SORCS2: variants seen among roughly 807,000 people sequenced by gnomAD.
SORCS2 encodes VPS10 domain-containing receptor SorCS2.
SORCS2 carries 100 observed loss-of-function variants against 141.6 expected under a neutral mutation model. That is an observed-to-expected ratio of 0.71 (90% CI 0.60 to 0.83). The LOEUF is 0.83. Among genes scored for constraint, SORCS2 ranks in the 40% least tolerant of loss-of-function variants. The pLI, the probability that SORCS2 is intolerant of heterozygous loss-of-function variation, is 0.00. For missense variants in SORCS2, 1,646 were observed against 1,560.2 expected, an observed-to-expected ratio of 1.05 and a Z score of -0.93; for synonymous variants, 789 against 676.9, an observed-to-expected ratio of 1.17 and a Z score of -2.57.
intron 8 of SORCS2, among the ~76,000 whole-genome samples, chr4:7,674,930 C>A (rs868408221): frequency 1.3e-5 from 2 of 152,192 alleles, no homozygotes; most frequent in South Asian, 4.1e-4. Context: ...CAGGTGGGGC[C>A]AGCCGGACCC....
rs141275390 is a variant in SORCS2 at position 7,296,835 on chromosome 4, T to A, written c.481-99453T>A. 5.8e-3 allele frequency among the ~76,000 whole-genome samples: 889 copies of A among 152,196 alleles called. 7 individuals carry two copies. Among genetic ancestry groups the A allele is most frequent in the African/African-American group, 0.02 (848 of 41,530 alleles). ...ACACACACTGCGTGGCTTCCCTCTA[T>A]CGCTCGGTAGTCCTTGGCTCTCGGG... is the stretch of plus-strand genomic sequence containing the variant. On this transcript the variant is annotated intron_variant, in intron 1 of 26. Transcript: ENST00000507866.
chr4:7,202,255 T>G (rs1727522938), intron 1 of SORCS2, among the ~76,000 whole-genome samples: 1 of 152,106 alleles, frequency 6.6e-6, no homozygotes, highest in African/African-American at 2.4e-5. Flanking sequence ...TCGGGACCGC[T>G]TCCCAGAAGG....
chr4:7,524,329 C>T (rs965784193), intron 2 of SORCS2, among the ~76,000 whole-genome samples: 10 of 152,172 alleles, frequency 6.6e-5, no homozygotes, highest in African/African-American at 2.4e-4. Context: ...GGATCCTCCC[C>T]TGGAGCCTCC....
intron 5 of SORCS2, among the ~76,000 whole-genome samples, chr4:7,658,075 CTGAG>C (rs55731239): frequency 0.015 from 2,178 of 149,014 alleles, 28 homozygotes; most frequent in Middle Eastern, 0.034. Flanking sequence ...AAATGAGTGA[CTGAG>C]TGAGTGAATG....
intron 1 of SORCS2, among the ~76,000 whole-genome samples, chr4:7,380,183 G>A (rs1481097795): frequency 2.0e-5 from 3 of 152,214 alleles, no homozygotes; most frequent in Non-Finnish European, 4.4e-5. Flanking sequence ...CCTGGGGTTT[G>A]GGGGCTTACC....
At chr4:7,226,039 C>T (rs1304092457) in intron 1 of SORCS2, among the ~76,000 whole-genome samples, 2 of 152,160 alleles carry the variant, frequency 1.3e-5, no homozygotes, top group African/African-American at 4.8e-5. Flanking sequence ...TGTTTGAACT[C>T]CGCCACCGTG....
chr4:7,502,051 G>A lies in SORCS2; in HGVS notation c.549-29479G>A, dbSNP rs191846426. ...CTTCTCTGTTCAACCAAGGCTTCCT[G>A]AGCGCCAGTCACATGTGCCCAGGCA... On this transcript the variant is annotated intron_variant, in intron 2 of 26. Coordinates refer to ENST00000507866, the MANE Select transcript of SORCS2 (RefSeq NM_020777.3). 8.5e-4 allele frequency among the ~76,000 whole-genome samples: 129 copies of A among 152,312 alleles called. 1 individual carries two copies. Among genetic ancestry groups the A allele is most frequent in the Non-Finnish European group, 1.5e-3 (101 of 68,030 alleles).
chr4:7,287,466 C>T (rs2061609097), intron 1 of SORCS2, among the ~76,000 whole-genome samples: 1 of 152,212 alleles, frequency 6.6e-6, no homozygotes, highest in Non-Finnish European at 1.5e-5. Flanking sequence ...TTGCCACGGC[C>T]CCCAGGCTGG....
intron 1 of SORCS2, among the ~76,000 whole-genome samples, chr4:7,319,281 C>G (rs1465537367): frequency 6.6e-6 from 1 of 152,096 alleles, no homozygotes; most frequent in Admixed American, 6.6e-5. Flanking sequence ...CTTCCTCTTT[C>G]ATCAGGCTCT....
chr4:7,377,505 A>G lies in SORCS2; in HGVS notation c.481-18783A>G, dbSNP rs115725130. Among the ~76,000 whole-genome samples, 484 of 152,366 alleles carry G rather than the reference A, an allele frequency of 3.2e-3. 2 individuals carry two copies. Among genetic ancestry groups the G allele is most frequent in the African/African-American group, 0.011 (472 of 41,586 alleles). On this transcript the variant is annotated intron_variant, in intron 1 of 26. Coordinates refer to ENST00000507866, the MANE Select transcript of SORCS2 (RefSeq NM_020777.3). Reference sequence around the variant, plus strand: ...GAAAGCCGAGACCACATCCTGATGCATGTTTAAATAGTTCTGCCAAATTTG... The same window carrying G: ...GAAAGCCGAGACCACATCCTGATGCGTGTTTAAATAGTTCTGCCAAATTTG...
intron 3 of SORCS2, among the ~76,000 whole-genome samples, chr4:7,533,970 C>T (rs1021350136): frequency 6.6e-5 from 10 of 152,202 alleles, no homozygotes; most frequent in African/African-American, 2.4e-4. Context: ...CCTCTACAGG[C>T]AGCACCGGGG....
At chr4:7,537,863 A>T (rs969366832) in intron 3 of SORCS2, among the ~76,000 whole-genome samples, 2 of 152,038 alleles carry the variant, frequency 1.3e-5, no homozygotes, top group South Asian at 4.2e-4. Flanking sequence ...CCTGGCACGT[A>T]TGGTCCCAGC....
At chr4:7,397,009 A>G (rs1724255547) in intron 2 of SORCS2, among the ~76,000 whole-genome samples, 1 of 152,208 alleles carries the variant, frequency 6.6e-6, no homozygotes, top group African/African-American at 2.4e-5. Context: ...GTGGTTTCAA[A>G]GCTTTTCTCC....
intron 9 of SORCS2, among the ~76,000 whole-genome samples, chr4:7,676,818 T>TCC (rs1723165181): frequency 1.3e-5 from 1 of 79,838 alleles, no homozygotes; most frequent in Non-Finnish European, 2.6e-5. Context: ...TCTCTCTCTC[T>TCC]CTCTCTCTCT....
At chr4:7,431,618 G>T (rs1268408487) in intron 2 of SORCS2, 1 of 152,212 alleles carries the variant, frequency 6.6e-6, no homozygotes, top group African/African-American at 2.4e-5. Context: ...TCGGGCCCCT[G>T]TGTTTTGGAG....
intron 1 of SORCS2, among the ~76,000 whole-genome samples, chr4:7,247,602 C>T (rs1713186043): frequency 6.6e-6 from 1 of 152,052 alleles, no homozygotes; most frequent in African/African-American, 2.4e-5. Context: ...ATAAACAGGG[C>T]GTGTTAGGGT....
At chr4:7,720,486 A>G (rs1458193087) in intron 18 of SORCS2, among the ~76,000 whole-genome samples, 1 of 152,220 alleles carries the variant, frequency 6.6e-6, no homozygotes, top group African/African-American at 2.4e-5. Flanking sequence ...AAAGCCAGTC[A>G]AAAGGAAAGT....
chr4:7,680,378 G>A (rs1182698693), intron 9 of SORCS2, among the ~76,000 whole-genome samples: 1 of 152,246 alleles, frequency 6.6e-6, no homozygotes, highest in Non-Finnish European at 1.5e-5. Context: ...CGAGACCCCT[G>A]TGACATGGAG....
chr4:7,562,004 A>G (rs567374760), intron 3 of SORCS2, among the ~76,000 whole-genome samples: 1 of 152,208 alleles, frequency 6.6e-6, no homozygotes, highest in Non-Finnish European at 1.5e-5. Flanking sequence ...ATATTTCTAG[A>G]GGACGTACTT....
Sources: gnomAD v4.1 joint callset for allele counts (sites outside exome capture counted in the v4.1 genomes callset) on GRCh38, gnomAD v4.1.1 for gene constraint, MANE v1.5 for transcripts, NCBI Gene and HGNC (gene_info 2026-07-23, HGNC 2026-07-21) for gene names.